The following RAC2 variants were observed in gnomAD, a reference collection of about 807,000 sequenced individuals.
RAC2 encodes the protein ras-related C3 botulinum toxin substrate 2.
A neutral mutation model predicts 24.0 loss-of-function variants in RAC2; 1 was observed. The observed-to-expected ratio is 0.04, with a 90% CI of 0.01 to 0.20. The LOEUF is 0.20. Ranked by LOEUF, RAC2 falls within the 10% of genes least tolerant of loss-of-function variation. RAC2 has a pLI of 1.00. For synonymous variants in RAC2, 114 were observed against 106.8 expected (o/e 1.07, Z -0.41); for missense variants, 130 against 259.1 (o/e 0.50, Z 3.42).
intron 5 of RAC2, among the ~76,000 whole-genome samples, chr22:37,227,682 C>T (rs976729290): frequency 8.8e-6 from 1 of 113,766 alleles, no homozygotes; most frequent in African/African-American, 3.4e-5. Context: ...CCACGCCATA[C>T]ACCCCTCCAT....
rs976544752 is a variant in RAC2, at chr22:37,229,257, G to A, written c.448+1974C>T. On this transcript the variant is annotated intron_variant, in intron 5 of 6. Coordinates refer to ENST00000249071, the MANE Select transcript of RAC2 (RefSeq NM_002872.5). ...GCCATGCGATGGCTCATCAAGCTGA[G>A]GCAGGGGGCAGGGGAGCTACAGAGA... Among the ~76,000 whole-genome samples the A allele has an allele frequency of 2.7e-4, 4 of 14,900 alleles. No individual in the cohort carries two copies. The African/African-American group carries it at 3.8e-3, about 14-fold the overall frequency. The allele number at this position is 14,900 out of a possible 152,430, so 9.8% of individuals were successfully genotyped here.
intron 2 of RAC2, among the ~76,000 whole-genome samples, chr22:37,236,710 C>T (rs1448845489): frequency 3.3e-5 from 5 of 152,082 alleles, no homozygotes; most frequent in African/African-American, 4.8e-5. Context: ...CCGAAGCCCA[C>T]CCCCACGGAG....
intron 2 of RAC2, among the ~76,000 whole-genome samples, chr22:37,234,579 T>G (rs1368691145): frequency 1.3e-5 from 2 of 152,172 alleles, no homozygotes; most frequent in Non-Finnish European, 2.9e-5. Flanking sequence ...CCTGGTCCAC[T>G]GAGACCTCCG....
intron 2 of RAC2, among the ~76,000 whole-genome samples, chr22:37,233,563 G>A (rs1307424588): frequency 2.0e-5 from 3 of 152,220 alleles, no homozygotes; most frequent in East Asian, 1.9e-4. Context: ...GATTACAGGC[G>A]TGAGCCACTG....
rs754862203 is a variant in RAC2, at chr22:37,231,441, C to T, written c.289-51G>A. 7.7e-6 allele frequency: 12 copies of T among 1,567,986 alleles called. No homozygotes were observed. Among genetic ancestry groups the T allele is most frequent in the African/African-American group, 1.4e-5 (1 of 73,996 alleles). The stretch of plus-strand genomic sequence containing the variant: ...AGGTTGTATGGGTCAAGAGGGGGCG[C>T]GAGGCTGTGCGGGGATCAGAGGGAG... On this transcript the variant is annotated intron_variant, in intron 4 of 6. Coordinates refer to ENST00000249071, the MANE Select transcript of RAC2 (RefSeq NM_002872.5). This position sits in a 1 kb window ranked among gnomAD's most constrained non-coding sequence, Gnocchi z 5.5.
chr22:37,233,909 C>T (rs1054344211), intron 2 of RAC2, among the ~76,000 whole-genome samples: 1 of 152,064 alleles, frequency 6.6e-6, no homozygotes, highest in African/African-American at 2.4e-5. Flanking sequence ...GGGCTGCTTC[C>T]GGGGCCTTTC....
chr22:37,244,073 T>A, intron 1 of RAC2, 41 bp downstream of exon 1: 1 of 1,613,592 alleles, frequency 6.2e-7, no homozygotes, highest in Non-Finnish European at 8.5e-7. Flanking sequence ...TCTCAGGGCA[T>A]CCCAGTTGGG....
chr22:37,241,869 TC>T (rs1431054789), intron 1 of RAC2, among the ~76,000 whole-genome samples: 1 of 152,158 alleles, frequency 6.6e-6, no homozygotes, highest in Admixed American at 6.5e-5. Context: ...GACTTCAGGG[TC>T]CAGCCCCAGA....
At chr22:37,243,540 G>C (rs1212630430) in intron 1 of RAC2, among the ~76,000 whole-genome samples, 1 of 152,194 alleles carries the variant, frequency 6.6e-6, no homozygotes, top group Admixed American at 6.5e-5. Flanking sequence ...AGGCTGAGGG[G>C]AGGGGAGAGA....
Position 37,231,584 on chromosome 22 carries a change from G to A in RAC2, c.289-194C>T. The A allele has an allele frequency of 3.3e-6, 2 of 615,326 alleles. No homozygotes were observed. Among genetic ancestry groups the A allele is most frequent in the Admixed American group, 2.8e-5 (1 of 35,278 alleles). 38.1% of individuals were successfully genotyped at this position (615,326 alleles called of 1,614,324 possible). On this transcript the variant is annotated intron_variant, in intron 4 of 6. Coordinates refer to ENST00000249071, the MANE Select transcript of RAC2 (RefSeq NM_002872.5). The surrounding 1 kb of genome is among the most constrained non-coding windows in gnomAD (Gnocchi z 5.5). The stretch of plus-strand genomic sequence containing the variant: ...GAGGGGAGGCCACGACGTTGTGCAG[G>A]AAGGAGGGGGCGCATGATTGTAGGA...
rs147217849 is a variant in RAC2 at position 37,228,163 on chromosome 22, G to A, written c.449-1360C>T. 3.7e-3 allele frequency among the ~76,000 whole-genome samples: 568 copies of A among 152,338 alleles called. 3 individuals carry two copies. The highest frequency in any genetic ancestry group is 0.013 in the African/African-American group (548 of 41,586). ...AGACAAGGAAACTGAGGCTCCTGGA[G>A]AGTATGCGACTCATCCAAACTCACA... On this transcript the variant is annotated intron_variant, in intron 5 of 6. Transcript: ENST00000249071.
At chr22:37,241,092 C>A (rs1450987522) in intron 2 of RAC2, 1 of 768,658 alleles carries the variant, frequency 1.3e-6, no homozygotes, top group East Asian at 2.5e-5. Context: ...CTGAGTCTGA[C>A]ACCAACACGC....
Position 37,225,405 on chromosome 22 carries a change from C to G in RAC2, c.*637G>C, listed in dbSNP as rs6572. ...AGTGCAGCTCAGGATCCTGTGAGTG[C>G]AGCAGAAAGTCTTAAGAAATGGCAG... On this transcript the variant is annotated 3_prime_UTR_variant, in exon 7 of 7. Transcript: ENST00000249071. 70,693 of 152,052 alleles carry G rather than the reference C, an allele frequency of 0.46. 17,637 individuals are homozygous for G. The highest frequency in any genetic ancestry group is 0.55 in the Non-Finnish European group (37,514 of 67,982). 9.4% of individuals were successfully genotyped at this position (152,052 alleles called of 1,614,324 possible). A position where few individuals can be genotyped will look rare whatever the true frequency, so the allele number is the denominator to read the frequency against.
intron 5 of RAC2, among the ~76,000 whole-genome samples, chr22:37,229,523 G>A (rs144539258): frequency 3.9e-5 from 6 of 152,232 alleles, no homozygotes; most frequent in Non-Finnish European, 8.8e-5. Context: ...CACATCAGCT[G>A]TGATTATCAG....
chr22:37,240,952 G>A (rs985329556), intron 2 of RAC2: 1 of 705,248 alleles, frequency 1.4e-6, no homozygotes, highest in South Asian at 1.5e-5. Context: ...AGGCCAGGTG[G>A]GAGGTTGAGT....
At chr22:37,232,681 G>A (rs1927103596) in intron 3 of RAC2, 120 bp downstream of exon 3, 1 of 800,972 alleles carries the variant, frequency 1.2e-6, no homozygotes. Flanking sequence ...CAGACTCCCT[G>A]AGCTGGGCCT....
chr22:37,231,859 G>A lies in RAC2; in HGVS notation c.288+73C>T, dbSNP rs913995248. 8 of 1,501,930 alleles carry A rather than the reference G, an allele frequency of 5.3e-6. No individual in the cohort carries two copies. Among genetic ancestry groups the A allele is most frequent in the Non-Finnish European group, 7.3e-6 (8 of 1,103,064 alleles). 93.0% of individuals were successfully genotyped at this position (1,501,930 alleles called of 1,614,324 possible). A position where few individuals can be genotyped will look rare whatever the true frequency, so the allele number is the denominator to read the frequency against. ...CTGCTGCCCCAGGGACCAGCCTAGAGTCACCAGTTCCTCCCTCTGTCCCTC... is the reference window on the plus strand; with the variant it reads ...CTGCTGCCCCAGGGACCAGCCTAGAATCACCAGTTCCTCCCTCTGTCCCTC... On this transcript the variant is annotated intron_variant, in intron 4 of 6. Coordinates refer to ENST00000249071, the MANE Select transcript of RAC2 (RefSeq NM_002872.5). This position sits in a 1 kb window ranked among gnomAD's most constrained non-coding sequence, Gnocchi z 5.5.
At chr22:37,234,863 C>T (rs560507806) in intron 2 of RAC2, among the ~76,000 whole-genome samples, 1 of 152,304 alleles carries the variant, frequency 6.6e-6, no homozygotes, top group South Asian at 2.1e-4. Flanking sequence ...ATTCATGCTT[C>T]AAAACCCTGC....
At chr22:37,241,743 C>T in intron 1 of RAC2, 85 bp from the exon 2 acceptor site, 2 of 1,240,814 alleles carry the variant, frequency 1.6e-6, no homozygotes, top group Non-Finnish European at 2.4e-6. Flanking sequence ...TCTGCAAAGA[C>T]CTCAGCATCC....
Sources: gnomAD v4.1 joint callset for allele counts (sites outside exome capture counted in the v4.1 genomes callset) on GRCh38, gnomAD v4.1.1 for gene constraint, Gnocchi (gnomAD v3.1) non-coding constraint, MANE v1.5 for transcripts, NCBI Gene and HGNC (gene_info 2026-07-23, HGNC 2026-07-21) for gene names.